The following GALNT15 variants were observed in gnomAD, a reference collection of about 807,000 sequenced individuals.
GALNT15 encodes polypeptide N-acetylgalactosaminyltransferase 15.
Under a neutral mutation model 66.8 loss-of-function variants are expected in GALNT15, and 67 were observed. That is an observed-to-expected ratio of 1.00 (90% confidence interval 0.82 to 1.23). GALNT15 has a LOEUF of 1.23. Ranked by LOEUF, GALNT15 falls within the 50% of genes most tolerant of loss-of-function variation. The pLI is 0.00. For missense variants in GALNT15, 827 were observed against 804.3 expected, an observed-to-expected ratio of 1.03 and a Z score of -0.34; for synonymous variants, 313 against 311.5, an observed-to-expected ratio of 1.00 and a Z score of -0.05.
intron 2 of GALNT15, among the ~76,000 whole-genome samples, chr3:16,196,528 C>T (rs1427710440): frequency 6.6e-6 from 1 of 152,124 alleles, no homozygotes; most frequent in African/African-American, 2.4e-5. Context: ...TAGGGACAGC[C>T]CTAAAAGAAG....
In GALNT15 at chr3:16,227,565, A is replaced by G. The variant is rs765587261; in HGVS notation, c.*65A>G. 4.3e-6 allele frequency: 7 copies of G among 1,613,024 alleles called. No homozygotes were observed. The highest frequency in any genetic ancestry group is 5.9e-6 in the Non-Finnish European group (7 of 1,179,688). On this transcript the variant is annotated 3_prime_UTR_variant, in exon 10 of 10. Transcript: ENST00000339732. This position sits in a 1 kb window ranked among gnomAD's most constrained non-coding sequence, Gnocchi z 4.5. ...AATCCAGCTCCAAGTGAACTTAAAG[A>G]GCTTATATATTTCATGAAGCTGATC... is the stretch of plus-strand genomic sequence containing the variant.
chr3:16,187,070 C>A lies in GALNT15; in HGVS notation c.540-8690C>A, dbSNP rs2063524925. Among the ~76,000 whole-genome samples the A allele has an allele frequency of 6.6e-6, 1 of 152,156 alleles. No individual in the cohort carries two copies. The highest frequency in any genetic ancestry group is 2.1e-4 in the South Asian group (1 of 4,790). On this transcript the variant is annotated intron_variant, in intron 1 of 9. Transcript: ENST00000339732. This position sits in a 1 kb window ranked among gnomAD's most constrained non-coding sequence, Gnocchi z 5.1. Reference sequence around the variant, plus strand: ...CATGAGGTCAGGAGTTCAAGACCAGCCTGACCAACATGGTGAAACCCCGTC... The same window carrying A: ...CATGAGGTCAGGAGTTCAAGACCAGACTGACCAACATGGTGAAACCCCGTC...
In GALNT15 at chr3:16,175,393, T is replaced by G; in HGVS notation, c.242T>G (p.Leu81Arg). The G allele has an allele frequency of 6.2e-7, 1 of 1,614,186 alleles. No individual in the cohort carries two copies. Among genetic ancestry groups the G allele is most frequent in the Non-Finnish European group, 8.5e-7 (1 of 1,180,016 alleles). The change falls in exon 1 of 10, where the codon CTG becomes CGG. Residue 81 changes from leucine (L) to arginine (R), a missense_variant. Physicochemically the swap from Leu to Arg is moderately radical, Grantham distance 102. Transcript: ENST00000339732. The surrounding 1 kb of genome is among the most constrained non-coding windows in gnomAD (Gnocchi z 5.6). ...GATGAGGGTGAAGAGTACAGCCCTC[T>G]GGAGGGCCTGCCACCCTTTATCTCA... ...AEDEGEEYSP[L>R]EGLPPFISLR...
chr3:16,206,271 T>C (rs2063755952), intron 3 of GALNT15, among the ~76,000 whole-genome samples: 1 of 151,896 alleles, frequency 6.6e-6, no homozygotes, highest in Non-Finnish European at 1.5e-5. Flanking sequence ...TAGTCCCAGC[T>C]ACTCGGGGAG....
intron 8 of GALNT15, chr3:16,220,352 C>A: frequency 3.0e-6 from 1 of 331,190 alleles, no homozygotes; most frequent in Non-Finnish European, 5.7e-6. Flanking sequence ...CTCCAGGATT[C>A]AGGCAGGGTT....
chr3:16,196,055 G>T (rs2063632159), intron 2 of GALNT15, 129 bp downstream of exon 2: 1 of 868,714 alleles, frequency 1.2e-6, no homozygotes, highest in African/African-American at 1.7e-5. Context: ...TCCAGATGAG[G>T]ATTAATGGGC....
chr3:16,198,444 G>T (rs1200836839), intron 2 of GALNT15, among the ~76,000 whole-genome samples: 2 of 142,130 alleles, frequency 1.4e-5, no homozygotes, highest in Non-Finnish European at 3.1e-5. Flanking sequence ...AGGAAGTCTC[G>T]AGAGATACGT....
downstream of GALNT15, among the ~76,000 whole-genome samples, chr3:16,230,335 A>C (rs2124912743): frequency 6.6e-6 from 1 of 152,302 alleles, no homozygotes; most frequent in East Asian, 1.9e-4. This position sits in a 1 kb window ranked among gnomAD's most constrained non-coding sequence, Gnocchi z 4.5. Flanking sequence ...CATAGATCCC[A>C]CTGGAAAATT....
At chr3:16,190,155 G>A (rs994735177) in intron 1 of GALNT15, among the ~76,000 whole-genome samples, 3 of 152,136 alleles carry the variant, frequency 2.0e-5, no homozygotes, top group Non-Finnish European at 4.4e-5. Context: ...AATGAGAGAG[G>A]ATTCATCCCA....
Position 16,175,478 on chromosome 3 carries a change from C to A in GALNT15, c.327C>A (p.Ser109Arg). Residue 109 changes from serine to arginine, a missense_variant, in exon 1 of 10, where the codon AGC becomes AGA. Coordinates refer to ENST00000339732, the MANE Select transcript of GALNT15 (RefSeq NM_054110.5). The surrounding 1 kb of genome is among the most constrained non-coding windows in gnomAD (Gnocchi z 5.6). ...TACCCCAGGCCAGAAGGAACCAGAG[C>A]CAGGGCAGGAGAGGTGGGAGCTACC... ...VALPQARRNQSQGRRGGSYRL... is the reference protein window; with the variant it reads ...VALPQARRNQRQGRRGGSYRL... The A allele has an allele frequency of 6.2e-7, 1 of 1,613,956 alleles. No homozygotes were observed. The highest frequency in any genetic ancestry group is 1.3e-5 in the African/African-American group (1 of 75,030).
intron 1 of GALNT15, among the ~76,000 whole-genome samples, chr3:16,185,634 G>A (rs2063508675): frequency 1.3e-5 from 2 of 152,216 alleles, no homozygotes; most frequent in African/African-American, 4.8e-5. Context: ...TGCAGAATGT[G>A]TGGAGGAACT....
downstream of GALNT15, among the ~76,000 whole-genome samples, chr3:16,236,194 A>G (rs2124918193): frequency 6.6e-6 from 1 of 150,982 alleles, no homozygotes; most frequent in South Asian, 2.1e-4. Context: ...GAGAAGAATT[A>G]ATACAGATTG....
chr3:16,179,612 A>T (rs2063447889), intron 1 of GALNT15, among the ~76,000 whole-genome samples: 1 of 152,206 alleles, frequency 6.6e-6, no homozygotes, highest in Non-Finnish European at 1.5e-5. Flanking sequence ...TCAACAATGA[A>T]GGGAGACCCT....
chr3:16,225,365 G>T lies in GALNT15; in HGVS notation c.1774-1989G>T, dbSNP rs1005519167. Among the ~76,000 whole-genome samples, 3 of 152,200 alleles carry T rather than the reference G, an allele frequency of 2.0e-5. No homozygotes were observed. Among genetic ancestry groups the T allele is most frequent in the African/African-American group, 7.2e-5 (3 of 41,452 alleles). ...AAACTTTACACTTAAAAATGCCTAA[G>T]ATTGTAAAAGTTTTGCTATGTGTTT... On this transcript the variant is annotated intron_variant, in intron 9 of 9. Coordinates refer to ENST00000339732, the MANE Select transcript of GALNT15 (RefSeq NM_054110.5). The surrounding 1 kb of genome is among the most constrained non-coding windows in gnomAD (Gnocchi z 4.4).
chr3:16,190,509 G>A (rs2063563865), intron 1 of GALNT15, among the ~76,000 whole-genome samples: 1 of 152,060 alleles, frequency 6.6e-6, no homozygotes. Context: ...GTGGTGGCGG[G>A]CGCCTGTAGT....
chr3:16,181,410 T>G lies in GALNT15; in HGVS notation c.539+5720T>G, dbSNP rs2063469801. On this transcript the variant is annotated intron_variant, in intron 1 of 9. Transcript: ENST00000339732. The surrounding 1 kb of genome is among the most constrained non-coding windows in gnomAD (Gnocchi z 5.9). ...CTGGTGGGGAGAGCTGGGAGGGATA[T>G]CTTCTGCTTTGTTCCCCACTTCCTG... Among the ~76,000 whole-genome samples, 1 of 152,044 alleles carries G rather than the reference T, an allele frequency of 6.6e-6. No individual in the cohort carries two copies. The highest frequency in any genetic ancestry group is 2.1e-4 in the South Asian group (1 of 4,826).
rs995519587 is a variant in GALNT15, at chr3:16,219,844, T to C, written c.1525-66T>C. 6 of 1,270,964 alleles carry C rather than the reference T, an allele frequency of 4.7e-6. No homozygotes were observed. Among genetic ancestry groups the C allele is most frequent in the Non-Finnish European group, 6.9e-6 (6 of 868,246 alleles). 78.7% of individuals were successfully genotyped at this position (1,270,964 alleles called of 1,614,324 possible). ...TCCAGAGAATACAGCAAAGGAATGG[T>C]GTCTGACCGAGGGTGTCTTTACAGT... On this transcript the variant is annotated intron_variant, in intron 7 of 9. Coordinates refer to ENST00000339732, the MANE Select transcript of GALNT15 (RefSeq NM_054110.5). The surrounding 1 kb of genome is among the most constrained non-coding windows in gnomAD (Gnocchi z 4.3).
rs1419052789 is a variant in GALNT15, at chr3:16,211,131, G to A, written c.1087G>A (p.Val363Met). ...CCTGTCTTCTGTGTCCAGGAGCCCT[G>A]TGGTGCCCGGAGAGGTGGTGGCCAT... ...QSPISPIRSP[V>M]VPGEVVAMDR... The change falls in exon 5 of 10, where the codon GTG (valine) becomes ATG (methionine). Residue 363 changes from valine to methionine, a missense_variant. Coordinates refer to ENST00000339732, the MANE Select transcript of GALNT15 (RefSeq NM_054110.5). The surrounding 1 kb of genome is among the most constrained non-coding windows in gnomAD (Gnocchi z 4.3). 4 of 1,612,254 alleles carry A rather than the reference G, an allele frequency of 2.5e-6. No homozygotes were observed. Among genetic ancestry groups the A allele is most frequent in the East Asian group, 2.2e-5 (1 of 44,880 alleles).
At chr3:16,220,080 C>T in intron 8 of GALNT15, 66 bp downstream of exon 8, 1 of 1,221,776 alleles carries the variant, frequency 8.2e-7, no homozygotes, top group Middle Eastern at 1.9e-4. Flanking sequence ...CGATATTTTT[C>T]TGGGATGCCC....
Sources: allele counts gnomAD v4.1 joint callset (sites outside exome capture counted in the v4.1 genomes callset), GRCh38; gene constraint gnomAD v4.1.1; non-coding constraint Gnocchi (gnomAD v3.1); transcripts MANE v1.5; gene names NCBI Gene and HGNC (gene_info 2026-07-23, HGNC 2026-07-21).